ALKAL2: variants seen among roughly 807,000 people sequenced by gnomAD.
ALKAL2 encodes ALK and LTK ligand 2.
In ALKAL2, 8 loss-of-function variants were observed where a neutral mutation model predicts 18.5. The observed-to-expected ratio is 0.43, with a 90% CI of 0.25 to 0.78. ALKAL2 has a LOEUF of 0.78. Ranked by LOEUF, ALKAL2 falls within the 30% of genes least tolerant of loss-of-function variation. ALKAL2 has a pLI of 0.22. For missense variants in ALKAL2, 241 were observed against 211.2 expected (o/e 1.14, Z -0.88); for synonymous variants, 135 against 95.8 (o/e 1.41, Z -2.39).
intron 5 of ALKAL2, among the ~76,000 whole-genome samples, chr2:282,570 A>G (rs1386673993): frequency 6.6e-6 from 1 of 152,234 alleles, no homozygotes; most frequent in Non-Finnish European, 1.5e-5. Flanking sequence ...TCAAGGGGCC[A>G]AGGTGCAAAG....
chr2:283,678 C>CGCTG, intron 4 of ALKAL2: 2 of 734,826 alleles, frequency 2.7e-6, no homozygotes, highest in Non-Finnish European at 3.3e-6. Context: ...CGTTTCTAAG[C>CGCTG]GCTGGCTGAT....
chr2:283,551 C>A, intron 4 of ALKAL2: 1 of 985,382 alleles, frequency 1.0e-6, no homozygotes, highest in African/African-American at 1.7e-5. Context: ...AGGCTGAATC[C>A]CAACTTGAGT....
At chr2:286,403 T>C in intron 2 of ALKAL2, 60 bp from the exon 3 acceptor site, 4 of 1,345,704 alleles carry the variant, frequency 3.0e-6, no homozygotes, top group Non-Finnish European at 4.2e-6. Flanking sequence ...AAAAATGTGA[T>C]CTTAAGTGAA....
Position 283,389 on chromosome 2 carries a change from G to A in ALKAL2, c.389-214C>T, listed in dbSNP as rs375401054. On this transcript the variant is annotated intron_variant, in intron 4 of 5. Coordinates refer to ENST00000403610, the MANE Select transcript of ALKAL2 (RefSeq NM_001002919.3). ...GGCTTGAGCTTCAATGGCAGAAGTC[G>A]GATGATGTAAGTGGGGCAGCGGAGG... 1.0e-4 allele frequency: 100 copies of A among 985,370 alleles called. No individual in the cohort carries two copies. The African/African-American group carries it at 1.6e-3, about 16-fold the overall frequency. 61.0% of individuals were successfully genotyped at this position (985,370 alleles called of 1,614,324 possible).
rs1216472756 is a variant in ALKAL2, at chr2:288,073, C to T, written c.-118G>A. ...GGAGCCGCGGTCTCCTCGACGATCA[C>T]GCCCGAGGTCCCGCCCACGGGGAGC... On this transcript the variant is annotated 5_prime_UTR_variant, in exon 1 of 6. The change creates a new upstream start codon in the 5' untranslated region. Transcript: ENST00000403610. 3 of 1,197,726 alleles carry T rather than the reference C, an allele frequency of 2.5e-6. No individual in the cohort carries two copies. Among genetic ancestry groups the T allele is most frequent in the African/African-American group, 3.2e-5 (2 of 63,154 alleles). The allele number at this position is 1,197,726 out of a possible 1,614,324, so 74.2% of individuals were successfully genotyped here.
chr2:287,604 G>A lies in ALKAL2; in HGVS notation c.232C>T (p.Pro78Ser), dbSNP rs1354200420. 7.5e-6 allele frequency: 11 copies of A among 1,469,646 alleles called. No individual in the cohort carries two copies. The African/African-American group carries it at 1.2e-4, about 16-fold the overall frequency. The allele number at this position is 1,469,646 out of a possible 1,614,324, so 91.0% of individuals were successfully genotyped here. The change falls in exon 2 of 6, where the codon CCT (proline) becomes TCT (serine). Residue 78 changes from proline (P) to serine (S), a missense_variant. Pro to Ser is a moderately conservative substitution (Grantham distance 74, BLOSUM62 -1). Transcript: ENST00000403610. ...LGRAEAAGLG[P>S]SPEQRVEIVP... Reference sequence around the variant, plus strand: ...TCACCCACTCGCTGCTCCGGCGAAGGCCCCAGCCCCGCCGCCTCCGCGCGG... The same window carrying A: ...TCACCCACTCGCTGCTCCGGCGAAGACCCCAGCCCCGCCGCCTCCGCGCGG...
Position 279,750 on chromosome 2 carries a change from T to C in ALKAL2, c.*397A>G, listed in dbSNP as rs1670274856. 1.7e-5 allele frequency: 3 copies of C among 178,662 alleles called. No homozygotes were observed. The highest frequency in any genetic ancestry group is 5.8e-5 in the Admixed American group (1 of 17,276). 11.1% of individuals were successfully genotyped at this position (178,662 alleles called of 1,614,324 possible). A position where few individuals can be genotyped will look rare whatever the true frequency, so the allele number is the denominator to read the frequency against. On this transcript the variant is annotated 3_prime_UTR_variant, in exon 6 of 6. Transcript: ENST00000403610. The stretch of plus-strand genomic sequence containing the variant: ...GCCGTTCCAAATAATACTCTGAGAA[T>C]TTAACAGTGAAAGTAATACAGAATA...
In ALKAL2 at chr2:279,654, C is replaced by A. The variant is rs1670270751; in HGVS notation, c.*493G>T. On this transcript the variant is annotated 3_prime_UTR_variant, in exon 6 of 6. Coordinates refer to ENST00000403610, the MANE Select transcript of ALKAL2 (RefSeq NM_001002919.3). ...TACTATTTTACATTTATAATACAAA[C>A]GACCAACAGAATTAGCCACAGATTT... 6.4e-6 allele frequency: 1 copy of A among 156,278 alleles called. No homozygotes were observed. The highest frequency in any genetic ancestry group is 2.4e-5 in the African/African-American group (1 of 41,476). The allele number at this position is 156,278 out of a possible 1,614,324, so 9.7% of individuals were successfully genotyped here.
intron 2 of ALKAL2, 101 bp downstream of exon 2, chr2:287,482 G>C: frequency 1.6e-6 from 1 of 643,208 alleles, no homozygotes; most frequent in Non-Finnish European, 2.3e-6. Flanking sequence ...GAATCCTGCT[G>C]TTCAGTGGTC....
chr2:281,019 C>G (rs909607211), intron 5 of ALKAL2, among the ~76,000 whole-genome samples: 1 of 152,192 alleles, frequency 6.6e-6, no homozygotes, highest in Non-Finnish European at 1.5e-5. Context: ...GATGCCACAC[C>G]GTCACACGAG....
At chr2:285,927 C>G in intron 4 of ALKAL2, 196 bp downstream of exon 4, 1 of 553,580 alleles carries the variant, frequency 1.8e-6, no homozygotes. Flanking sequence ...TAAATAATTT[C>G]CAGTTTGGCG....
Position 280,136 on chromosome 2 carries a change from G to C in ALKAL2, c.*11C>G. ...TCATGGCTCCTGGTGTGCTGCTCCT[G>C]TACGGTCTGCTCACTGCTGAAAACA... On this transcript the variant is annotated 3_prime_UTR_variant, in exon 6 of 6. Transcript: ENST00000403610. 6.2e-7 allele frequency: 1 copy of C among 1,613,920 alleles called. No homozygotes were observed. The highest frequency in any genetic ancestry group is 1.1e-5 in the South Asian group (1 of 91,076).
intron 2 of ALKAL2, 61 bp downstream of exon 2, chr2:287,522 T>C: frequency 8.3e-7 from 1 of 1,205,254 alleles, no homozygotes; most frequent in Non-Finnish European, 1.1e-6. Context: ...GAAACGTGTT[T>C]CTCAAAGACA....
intron 5 of ALKAL2, among the ~76,000 whole-genome samples, chr2:281,791 TAAA>T (rs60094437): frequency 7.3e-6 from 1 of 136,816 alleles, no homozygotes; most frequent in African/African-American, 2.7e-5. Flanking sequence ...AAGAAATACC[TAAA>T]AAAAAAAAAA....
In ALKAL2 at chr2:283,138, A is replaced by G. The variant is rs958277647; in HGVS notation, c.426T>C (p.Ala142=). 6.2e-7 allele frequency: 1 copy of G among 1,613,202 alleles called. No individual in the cohort carries two copies. Among genetic ancestry groups the G allele is most frequent in the Non-Finnish European group, 8.5e-7 (1 of 1,179,614 alleles). Residue 142 remains alanine (A), a synonymous_variant, in exon 5 of 6, where the codon GCT becomes GCC. Transcript: ENST00000403610. Reference sequence around the variant, plus strand: ...TATCCTCCATGCACACTGGACTGACAGCCAGCCGGGTAAGAAGCCTGGCGC... The same window carrying G: ...TATCCTCCATGCACACTGGACTGACGGCCAGCCGGGTAAGAAGCCTGGCGC... ...KRCARLLTRL[A]VSPVCMEDKQ
intron 2 of ALKAL2, chr2:286,621 A>G (rs1670517253): frequency 2.9e-6 from 1 of 347,500 alleles, no homozygotes; most frequent in Non-Finnish European, 5.1e-6. Flanking sequence ...ACGAAGTTAC[A>G]GAGGTAAGAA....
At chr2:284,600 A>C (rs1670447404) in intron 4 of ALKAL2, among the ~76,000 whole-genome samples, 1 of 152,224 alleles carries the variant, frequency 6.6e-6, no homozygotes, top group African/African-American at 2.4e-5. Flanking sequence ...TCAGGAGCTT[A>C]GTATCACAAA....
At position 287,355 on chromosome 2, in the gene ALKAL2, G is replaced by A. The variant is rs1454367479; in HGVS notation, c.253+228C>T. The A allele has an allele frequency of 7.6e-6, 3 of 393,214 alleles. No homozygotes were observed. The Admixed American group carries it at 1.4e-4, about 18-fold the overall frequency. 24.4% of individuals were successfully genotyped at this position (393,214 alleles called of 1,614,324 possible). On this transcript the variant is annotated intron_variant, in intron 2 of 5. Coordinates refer to ENST00000403610, the MANE Select transcript of ALKAL2 (RefSeq NM_001002919.3). Reference sequence around the variant, plus strand: ...TTGACAGTTTAGTGTGGAAACCACCGACCCGCGCCGCAGCTCACGCGCGCC... The same window carrying A: ...TTGACAGTTTAGTGTGGAAACCACCAACCCGCGCCGCAGCTCACGCGCGCC...
chr2:282,776 A>C lies in ALKAL2; in HGVS notation c.453+335T>G, dbSNP rs554739591. Among the ~76,000 whole-genome samples the C allele has an allele frequency of 6.6e-5, 10 of 152,364 alleles. No homozygotes were observed. The South Asian group carries it at 2.1e-3, about 32-fold the overall frequency. ...ATCTACTCACTTGTGTTAGTGAATG[A>C]ATGAATGCCTCGAAGTAAACGGACA... On this transcript the variant is annotated intron_variant, in intron 5 of 5. Transcript: ENST00000403610.
Sources: allele counts gnomAD v4.1 joint callset (sites outside exome capture counted in the v4.1 genomes callset), GRCh38; gene constraint gnomAD v4.1.1; transcripts MANE v1.5; gene names NCBI Gene and HGNC (gene_info 2026-07-23, HGNC 2026-07-21).